TMEM229B: variants seen among roughly 807,000 people sequenced by gnomAD.
TMEM229B encodes transmembrane protein 229B.
Under a neutral mutation model 13.7 loss-of-function variants are expected in TMEM229B, and 6 were observed. That is an observed-to-expected ratio of 0.44 (90% CI 0.24 to 0.86). The LOEUF (loss-of-function observed/expected upper bound fraction) is 0.86. TMEM229B is among the 40% of genes least tolerant of loss of function. The probability of loss-of-function intolerance (pLI) is 0.23; values close to 1 mark genes in which losing one functional copy is unlikely to be tolerated. For synonymous variants in TMEM229B, 107 were observed against 102.1 expected, an observed-to-expected ratio of 1.05 and a Z score of -0.29; for missense variants, 170 against 236.0, an observed-to-expected ratio of 0.72 and a Z score of 1.83.
intron 1 of TMEM229B, among the ~76,000 whole-genome samples, chr14:67,501,247 C>T (rs765389793): frequency 3.2e-4 from 48 of 152,086 alleles, no homozygotes; most frequent in Non-Finnish European, 6.6e-4. Flanking sequence ...TTAGGAGAAA[C>T]GGAGGGATTG....
intron 1 of TMEM229B, among the ~76,000 whole-genome samples, chr14:67,521,081 A>C (rs1229175092): frequency 6.6e-6 from 1 of 152,222 alleles, no homozygotes; most frequent in African/African-American, 2.4e-5. Context: ...AGAAACAGGT[A>C]AGCCTCAAGA....
At chr14:67,529,431 G>A (rs1350121001) in intron 1 of TMEM229B, among the ~76,000 whole-genome samples, 1 of 152,142 alleles carries the variant, frequency 6.6e-6, no homozygotes, top group African/African-American at 2.4e-5. Context: ...CACAGTGGCT[G>A]GAAAATAGCA....
chr14:67,529,451 T>C lies in TMEM229B; in HGVS notation c.-192+4185A>G, dbSNP rs556698984. ...TGGCTGGAAAATAGCAAGTATTCAA[T>C]AGATATTTGTTAGTGAGTAACTGAA... On this transcript the variant is annotated intron_variant, in intron 1 of 2. Transcript: ENST00000554278. Among the ~76,000 whole-genome samples the C allele has an allele frequency of 9.8e-5, 15 of 152,302 alleles. No individual in the cohort carries two copies. The South Asian group carries it at 2.3e-3, about 23-fold the overall frequency.
intron 1 of TMEM229B, among the ~76,000 whole-genome samples, chr14:67,494,265 A>G (rs557633364): frequency 6.6e-6 from 1 of 152,368 alleles, no homozygotes; most frequent in South Asian, 2.1e-4. Context: ...AAAATAATTA[A>G]CATTCCTTTT....
In TMEM229B at chr14:67,527,260, T is replaced by C. The variant is rs1049097188; in HGVS notation, c.-192+6376A>G. ...TGCTATCTGAGCTTAGCCATGACAC[T>C]TGGTCTTCGTGAGCCTCAGTCTATG... On this transcript the variant is annotated intron_variant, in intron 1 of 2. Transcript: ENST00000554278. Among the ~76,000 whole-genome samples the C allele has an allele frequency of 1.3e-5, 2 of 152,204 alleles. 1 individual carries two copies. Among genetic ancestry groups the C allele is most frequent in the Non-Finnish European group, 2.9e-5 (2 of 68,030 alleles).
At chr14:67,513,125 T>C (rs1233213010) in intron 1 of TMEM229B, among the ~76,000 whole-genome samples, 1 of 152,154 alleles carries the variant, frequency 6.6e-6, no homozygotes, top group Admixed American at 6.5e-5. Flanking sequence ...TAGGAGAGTA[T>C]CAATTTCCCA....
At chr14:67,526,738 A>C (rs1282990955) in intron 1 of TMEM229B, among the ~76,000 whole-genome samples, 1 of 152,068 alleles carries the variant, frequency 6.6e-6, no homozygotes, top group Non-Finnish European at 1.5e-5. Flanking sequence ...AGGGTCCTTG[A>C]AGAAAACAAA....
chr14:67,496,467 G>C (rs112094001), intron 1 of TMEM229B, among the ~76,000 whole-genome samples: 6 of 133,726 alleles, frequency 4.5e-5, no homozygotes, highest in Non-Finnish European at 7.7e-5. Context: ...GCAGAGGCAC[G>C]ATCTCTGCTC....
intron 2 of TMEM229B, among the ~76,000 whole-genome samples, chr14:67,481,325 G>A (rs1439727663): frequency 6.6e-6 from 1 of 152,182 alleles, no homozygotes; most frequent in African/African-American, 2.4e-5. Context: ...GCGAGATGGG[G>A]GAGAGAGAAA....
chr14:67,479,693 A>C (rs2031466027), intron 2 of TMEM229B, among the ~76,000 whole-genome samples: 1 of 152,136 alleles, frequency 6.6e-6, no homozygotes, highest in Non-Finnish European at 1.5e-5. Context: ...ACTCTAGCCT[A>C]GGTGACAGAG....
chr14:67,507,335 C>A (rs116943761), intron 1 of TMEM229B, among the ~76,000 whole-genome samples: 9,447 of 152,054 alleles, frequency 0.062, 419 homozygotes, highest in South Asian at 0.15. Context: ...GGTGACAGAA[C>A]AACATCCTGT....
intron 1 of TMEM229B, among the ~76,000 whole-genome samples, chr14:67,510,886 C>A (rs2033003134): frequency 6.6e-6 from 1 of 152,154 alleles, no homozygotes; most frequent in African/African-American, 2.4e-5. Flanking sequence ...TCTCGCTGCA[C>A]CAGGGCCTGT....
chr14:67,525,467 C>T (rs1192553916), intron 1 of TMEM229B, among the ~76,000 whole-genome samples: 1 of 152,188 alleles, frequency 6.6e-6, no homozygotes, highest in South Asian at 2.1e-4. Flanking sequence ...TCCTTTTCCC[C>T]TCTTTTATTT....
intron 2 of TMEM229B, among the ~76,000 whole-genome samples, chr14:67,477,115 G>A (rs1422115768): frequency 1.3e-5 from 2 of 150,986 alleles, no homozygotes; most frequent in South Asian, 2.1e-4. Flanking sequence ...GCAGTGAGTC[G>A]CGATCGCACC....
chr14:67,503,471 A>G (rs3818242), intron 1 of TMEM229B: 110,721 of 152,088 alleles, frequency 0.73, 42,143 homozygotes, highest in Non-Finnish European at 0.85. Flanking sequence ...ATGACAGGGC[A>G]AAGGACGTCA....
intron 1 of TMEM229B, among the ~76,000 whole-genome samples, chr14:67,504,160 C>T (rs1318330269): frequency 6.6e-6 from 1 of 152,012 alleles, no homozygotes; most frequent in Non-Finnish European, 1.5e-5. Context: ...ATTACAGGCG[C>T]CCACCACCAT....
chr14:67,531,635 C>T (rs9671980), intron 1 of TMEM229B, among the ~76,000 whole-genome samples: 76,715 of 150,940 alleles, frequency 0.51, 19,874 homozygotes, highest in Non-Finnish European at 0.55. Flanking sequence ...AGTTCTGGGC[C>T]GAGGTGCGGT....
chr14:67,488,734 G>T (rs1032291495), upstream of TMEM229B: 1 of 152,346 alleles, frequency 6.6e-6, no homozygotes, highest in Non-Finnish European at 1.5e-5. Flanking sequence ...AACAGAAACA[G>T]AAACCAAAGA....
At chr14:67,483,725 G>C (rs1350164313) in intron 2 of TMEM229B, among the ~76,000 whole-genome samples, 1 of 152,180 alleles carries the variant, frequency 6.6e-6, no homozygotes, top group Non-Finnish European at 1.5e-5. Flanking sequence ...GAGGCCCCCT[G>C]ACTGCCAGCC....
Sources: allele counts gnomAD v4.1 joint callset (sites outside exome capture counted in the v4.1 genomes callset), GRCh38; gene constraint gnomAD v4.1.1; transcripts MANE v1.5; gene names NCBI Gene and HGNC (gene_info 2026-07-23, HGNC 2026-07-21).